The following EIF4G3 variants were observed in gnomAD, a reference collection of about 807,000 sequenced individuals.
EIF4G3 encodes the protein eIF-4-gamma 3.
A neutral mutation model predicts 186.4 loss-of-function variants in EIF4G3; 34 were observed. That is an observed-to-expected ratio of 0.18 (90% CI 0.14 to 0.24). EIF4G3 has a LOEUF of 0.24. Among genes scored for constraint, EIF4G3 ranks in the 10% least tolerant of loss-of-function variants. EIF4G3 has a pLI of 1.00. For missense variants in EIF4G3, 1,536 were observed against 1,948.5 expected, an observed-to-expected ratio of 0.79 and a Z score of 3.99; for synonymous variants, 673 against 679.5, an observed-to-expected ratio of 0.99 and a Z score of 0.15.
At chr1:20,873,943 T>C (rs1340695165) in intron 20 of EIF4G3, among the ~76,000 whole-genome samples, 1 of 152,128 alleles carries the variant, frequency 6.6e-6, no homozygotes, top group Non-Finnish European at 1.5e-5. Context: ...ATGCAGTGCT[T>C]AGTTTTCTGT....
chr1:20,943,968 T>TGTGTGTGTG (rs1558362029), intron 13 of EIF4G3, among the ~76,000 whole-genome samples: 207 of 11,948 alleles, frequency 0.017, 20 homozygotes, highest in Middle Eastern at 0.045. Context: ...CTTGTCTTTA[T>TGTGTGTGTG]TTTTTTTGTG....
Position 20,851,291 on chromosome 1 carries a change from T to C in EIF4G3, c.3739A>G (p.Thr1247Ala). Reference sequence around the variant, plus strand: ...CTTGTTTTATTTCGCTCAGCCTCAGTGCTGTTCCTCTCCACATCCACACCT... The same window carrying C: ...CTTGTTTTATTTCGCTCAGCCTCAGCGCTGTTCCTCTCCACATCCACACCT... Reference protein sequence around the residue: ...TGGVDVERNSTEAERNKTRES... With the variant: ...TGGVDVERNSAEAERNKTRES... Residue 1247 changes from threonine (T) to alanine (A), a missense_variant, in exon 28 of 37, where the codon ACT (threonine) becomes GCT (alanine). By Grantham distance (58) the Thr-to-Ala change is moderately conservative (BLOSUM62 0). Transcript: ENST00000602326. 1.9e-6 allele frequency: 3 copies of C among 1,614,206 alleles called. No individual in the cohort carries two copies. The highest frequency in any genetic ancestry group is 2.5e-6 in the Non-Finnish European group (3 of 1,180,036).
intron 4 of EIF4G3, among the ~76,000 whole-genome samples, chr1:21,009,835 A>C (rs1248649208): frequency 6.6e-6 from 1 of 151,900 alleles, no homozygotes; most frequent in Non-Finnish European, 1.5e-5. Flanking sequence ...TTCTATTTTT[A>C]GTAGAGACGG....
At chr1:21,117,360 T>C (rs1208376044) in intron 2 of EIF4G3, among the ~76,000 whole-genome samples, 1 of 152,066 alleles carries the variant, frequency 6.6e-6, no homozygotes, top group Non-Finnish European at 1.5e-5. Context: ...AAAAAAATAA[T>C]GTTTATTTTG....
At chr1:20,975,322 C>T (rs887359965) in intron 10 of EIF4G3, among the ~76,000 whole-genome samples, 2 of 151,236 alleles carry the variant, frequency 1.3e-5, no homozygotes, top group Non-Finnish European at 1.5e-5. Flanking sequence ...CTGCTCACTT[C>T]ACCATATTTT....
chr1:20,940,703 G>A (rs2095680877), intron 14 of EIF4G3, among the ~76,000 whole-genome samples: 1 of 152,218 alleles, frequency 6.6e-6, no homozygotes, highest in African/African-American at 2.4e-5. Context: ...AAGATAGGCT[G>A]TGCTGAATTG....
intron 3 of EIF4G3, chr1:21,064,821 C>T (rs6658526): frequency 0.29 from 43,871 of 152,076 alleles, 8,100 homozygotes; most frequent in Non-Finnish European, 0.41. Flanking sequence ...AGCAGGAACA[C>T]TTGACAACTC....
chr1:20,880,514 C>T (rs992671353), intron 19 of EIF4G3, among the ~76,000 whole-genome samples: 1 of 152,154 alleles, frequency 6.6e-6, no homozygotes, highest in African/African-American at 2.4e-5. Context: ...ACTTGGGAGA[C>T]CGAGGTTGGG....
At chr1:21,099,483 C>T (rs1365779827) in intron 2 of EIF4G3, among the ~76,000 whole-genome samples, 3 of 152,172 alleles carry the variant, frequency 2.0e-5, no homozygotes, top group Non-Finnish European at 4.4e-5. Context: ...ATCTCAAATG[C>T]TAATTATTTT....
intron 4 of EIF4G3, among the ~76,000 whole-genome samples, chr1:21,025,540 C>A (rs1157281155): frequency 6.6e-6 from 1 of 152,142 alleles, no homozygotes; most frequent in South Asian, 2.1e-4. Flanking sequence ...AAAGCTGCTT[C>A]TCCAAGGTTT....
intron 20 of EIF4G3, among the ~76,000 whole-genome samples, chr1:20,873,531 A>G (rs2079826875): frequency 6.6e-6 from 1 of 152,182 alleles, no homozygotes; most frequent in South Asian, 2.1e-4. Flanking sequence ...ATGTTATTGC[A>G]TAGTACATGA....
At chr1:20,824,686 C>T (rs897767529) in intron 33 of EIF4G3, among the ~76,000 whole-genome samples, 3 of 152,132 alleles carry the variant, frequency 2.0e-5, no homozygotes, top group Non-Finnish European at 4.4e-5. Flanking sequence ...ACTTATTTAC[C>T]TGTGTAGTTT....
intron 4 of EIF4G3, among the ~76,000 whole-genome samples, chr1:21,047,077 A>T (rs1433806706): frequency 6.6e-6 from 1 of 152,226 alleles, no homozygotes; most frequent in Non-Finnish European, 1.5e-5. Context: ...GAAGTTCCAG[A>T]GATATTAAAT....
chr1:21,161,831 G>A (rs2097772360), intron 2 of EIF4G3, among the ~76,000 whole-genome samples: 1 of 151,528 alleles, frequency 6.6e-6, no homozygotes. Context: ...AGCCAAGCAT[G>A]GTGGCGAGTG....
chr1:21,170,540 G>A (rs538039545), intron 2 of EIF4G3, among the ~76,000 whole-genome samples: 136 of 151,862 alleles, frequency 9.0e-4, no homozygotes, highest in Non-Finnish European at 1.4e-3. Context: ...GTGTGATGGC[G>A]CGCACCTGTA....
chr1:20,891,052 C>A (rs1462594874), intron 18 of EIF4G3, among the ~76,000 whole-genome samples: 1 of 152,180 alleles, frequency 6.6e-6, no homozygotes, highest in Non-Finnish European at 1.5e-5. Context: ...CACTTCTAGT[C>A]ACATTACTTT....
intron 4 of EIF4G3, among the ~76,000 whole-genome samples, chr1:21,035,636 GCCAAA>G (rs1193637858): frequency 6.6e-6 from 1 of 152,250 alleles, no homozygotes; most frequent in African/African-American, 2.4e-5. Context: ...AACTTTGGGT[GCCAAA>G]GACCACAGGA....
At chr1:20,821,581 A>G in intron 33 of EIF4G3, among the ~76,000 whole-genome samples, 1 of 150,726 alleles carries the variant, frequency 6.6e-6, no homozygotes, top group Non-Finnish European at 1.5e-5. Context: ...TATTATGTAT[A>G]CATCACCATC....
chr1:21,162,448 T>TAAA (rs149741247), intron 2 of EIF4G3, among the ~76,000 whole-genome samples: 7 of 125,212 alleles, frequency 5.6e-5, no homozygotes, highest in Admixed American at 8.2e-5. Flanking sequence ...GACATCATCT[T>TAAA]AAAAAAAAAA....
Sources: allele counts gnomAD v4.1 joint callset (sites outside exome capture counted in the v4.1 genomes callset), GRCh38; gene constraint gnomAD v4.1.1; transcripts MANE v1.5; gene names NCBI Gene and HGNC (gene_info 2026-07-23, HGNC 2026-07-21).